EIF2AK1: variants seen among roughly 807,000 people sequenced by gnomAD.
EIF2AK1 encodes eukaryotic translation initiation factor 2-alpha kinase 1.
A neutral mutation model predicts 77.9 loss-of-function variants in EIF2AK1; 54 were observed. The observed-to-expected ratio is 0.69, with a 90% CI of 0.56 to 0.87. The LOEUF (loss-of-function observed/expected upper bound fraction) is 0.87. Among genes scored for constraint, EIF2AK1 ranks in the 40% least tolerant of loss-of-function variants. The pLI is 0.00. For missense variants in EIF2AK1, 810 were observed against 768.6 expected (o/e 1.05, Z -0.64); for synonymous variants, 314 against 290.5 (o/e 1.08, Z -0.82).
At chr7:6,039,621 CAAA>C (rs767158374) in intron 9 of EIF2AK1, among the ~76,000 whole-genome samples, 8 of 49,004 alleles carry the variant, frequency 1.6e-4, no homozygotes, top group South Asian at 6.3e-4. Context: ...ACTCCATCTC[CAAA>C]AAAAAAAAAA....
Position 6,035,807 on chromosome 7 carries a change from C to T in EIF2AK1, c.1332+1617G>A, listed in dbSNP as rs1050011293. 3.9e-6 allele frequency: 6 copies of T among 1,550,542 alleles called. No individual in the cohort carries two copies. Among genetic ancestry groups the T allele is most frequent in the East Asian group, 4.9e-5 (2 of 40,932 alleles). On this transcript the variant is annotated intron_variant, in intron 11 of 14. Transcript: ENST00000199389. This position sits in a 1 kb window ranked among gnomAD's most constrained non-coding sequence, Gnocchi z 5.5. ...AAACGCTCATTGCCTATGGAGCAAA[C>T]GTCAACTGTGCTGTCTCTTCCACGG... is the stretch of plus-strand genomic sequence containing the variant.
chr7:6,056,655 T>C (rs1788783502), intron 1 of EIF2AK1, among the ~76,000 whole-genome samples: 1 of 128,298 alleles, frequency 7.8e-6, no homozygotes, highest in Admixed American at 8.2e-5. Context: ...CTGGACATTC[T>C]GGGCCTCTTT....
Position 6,036,079 on chromosome 7 carries a change from T to C in EIF2AK1, c.1332+1345A>G. ...AGAAACGGGGAATCTCCAATTTATA[T>C]GTACCTTCAGCGCAGTTGCAATGTA... On this transcript the variant is annotated intron_variant, in intron 11 of 14. Transcript: ENST00000199389. This position sits in a 1 kb window ranked among gnomAD's most constrained non-coding sequence, Gnocchi z 4.6. 2 of 1,551,062 alleles carry C rather than the reference T, an allele frequency of 1.3e-6. No homozygotes were observed. The highest frequency in any genetic ancestry group is 2.7e-5 in the African/African-American group (2 of 73,168).
chr7:6,037,567 C>A (rs1199731180), intron 10 of EIF2AK1, 43 bp from the exon 11 acceptor site: 3 of 1,212,544 alleles, frequency 2.5e-6, no homozygotes, highest in Non-Finnish European at 3.6e-6. Context: ...AATTTTTTTA[C>A]TCATTACATG....
At position 6,054,616 on chromosome 7, in the gene EIF2AK1, C is replaced by G. The variant is rs762637741; in HGVS notation, c.207G>C (p.Leu69=). The change falls in exon 2 of 15, where the codon CTG becomes CTC. Residue 69 remains leucine (L), a synonymous_variant. Coordinates refer to ENST00000199389, the MANE Select transcript of EIF2AK1 (RefSeq NM_014413.4). ...FPFAVANQLL[L]VSLLEHLSHV... is the part of the protein sequence containing the mutation. ...GGCTCAAGTGCTCCAGCAAAGAAAC[C>G]AGCAAGAGTTGGTTTGCAACTGCAA... The G allele has an allele frequency of 6.2e-7, 1 of 1,614,140 alleles. No individual in the cohort carries two copies. The highest frequency in any genetic ancestry group is 1.1e-5 in the South Asian group (1 of 91,084).
chr7:6,044,987 A>G (rs935421433), intron 6 of EIF2AK1, among the ~76,000 whole-genome samples: 1 of 152,204 alleles, frequency 6.6e-6, no homozygotes, highest in African/African-American at 2.4e-5. Context: ...ATGCATCTCC[A>G]ATTTACAATA....
chr7:6,040,512 A>T (rs1350418137), intron 9 of EIF2AK1, among the ~76,000 whole-genome samples: 1 of 152,186 alleles, frequency 6.6e-6, no homozygotes, highest in Admixed American at 6.5e-5. Context: ...GAATATCCCG[A>T]ATACTGAGCT....
intron 3 of EIF2AK1, 28 bp from the exon 4 acceptor site, chr7:6,048,872 G>T: frequency 6.5e-7 from 1 of 1,530,702 alleles, no homozygotes; most frequent in Non-Finnish European, 8.8e-7. Flanking sequence ...TTTTTAAAAA[G>T]CATTTTGAAA....
intron 2 of EIF2AK1, 96 bp downstream of exon 2, chr7:6,054,450 C>T: frequency 7.2e-7 from 1 of 1,381,662 alleles, no homozygotes; most frequent in Non-Finnish European, 1.0e-6. Context: ...GTGATCCGCC[C>T]ACCTCAGCCT....
rs1225154463 is a variant in EIF2AK1 at position 6,022,553 on chromosome 7, T to A, written c.*2120A>T. ...TGTGGCATACTGGCCACATAGCGAT[T>A]TGCATCAGGTCAGATATTCTAAGTC... On this transcript the variant is annotated 3_prime_UTR_variant, in exon 15 of 15. Coordinates refer to ENST00000199389, the MANE Select transcript of EIF2AK1 (RefSeq NM_014413.4). The A allele has an allele frequency of 6.6e-6, 1 of 152,216 alleles. No homozygotes were observed. Among genetic ancestry groups the A allele is most frequent in the African/African-American group, 2.4e-5 (1 of 41,444 alleles). 9.4% of individuals were successfully genotyped at this position (152,216 alleles called of 1,614,324 possible).
At position 6,023,116 on chromosome 7, in the gene EIF2AK1, T is replaced by G. The variant is rs117711570; in HGVS notation, c.*1557A>C. On this transcript the variant is annotated 3_prime_UTR_variant, in exon 15 of 15. Coordinates refer to ENST00000199389, the MANE Select transcript of EIF2AK1 (RefSeq NM_014413.4). ...CTCTTTGGTTACTTTTTTAACATAG[T>G]TTGCACTTAAACCCTTTTCAGTAGT... The G allele has an allele frequency of 0.017, 11,020 of 647,186 alleles. 147 individuals carry two copies. The highest frequency in any genetic ancestry group is 0.021 in the Non-Finnish European group (8,348 of 398,664). 40.1% of individuals were successfully genotyped at this position (647,186 alleles called of 1,614,324 possible).
At chr7:6,037,596 TC>T in intron 10 of EIF2AK1, 72 bp from the exon 11 acceptor site, 6 of 875,966 alleles carry the variant, frequency 6.8e-6, no homozygotes, top group Non-Finnish European at 1.1e-5. Flanking sequence ...AATATTAATG[TC>T]ATTCTAAATA....
intron 1 of EIF2AK1, among the ~76,000 whole-genome samples, chr7:6,058,580 C>G (rs897805966): frequency 3.3e-4 from 50 of 152,326 alleles, no homozygotes; most frequent in African/African-American, 1.1e-3. Flanking sequence ...TTAACCCAAA[C>G]TATTCAGCGT....
intron 1 of EIF2AK1, among the ~76,000 whole-genome samples, chr7:6,056,114 G>A (rs764294176): frequency 5.6e-4 from 85 of 150,876 alleles, no homozygotes; most frequent in Admixed American, 1.1e-3. Flanking sequence ...CCAACACGGT[G>A]AAACACCGTC....
rs910137503 is a variant in EIF2AK1 at position 6,024,406 on chromosome 7, CAACA to C, written c.*263_*266del. On this transcript the variant is annotated 3_prime_UTR_variant, in exon 15 of 15. Coordinates refer to ENST00000199389, the MANE Select transcript of EIF2AK1 (RefSeq NM_014413.4). ...TCTAGAGGAAGACCAGACAGAGGGT[CAACA>C]GAGTTGAAAGGAGAAAATAATTGAG... 8.9e-5 allele frequency: 117 copies of C among 1,320,674 alleles called. No homozygotes were observed. In the Middle Eastern group the frequency reaches 3.0e-3, roughly 34 times the overall value. 81.8% of individuals were successfully genotyped at this position (1,320,674 alleles called of 1,614,324 possible).
At chr7:6,040,867 A>C (rs1354802089) in intron 9 of EIF2AK1, 25 bp downstream of exon 9, 2 of 1,596,168 alleles carry the variant, frequency 1.3e-6, no homozygotes, top group Non-Finnish European at 1.7e-6. Flanking sequence ...TGGCCAAATT[A>C]GGAGGGTCTG....
intron 11 of EIF2AK1, among the ~76,000 whole-genome samples, 199 bp from the exon 12 acceptor site, chr7:6,029,231 G>C (rs540492413): frequency 6.6e-6 from 1 of 152,182 alleles, no homozygotes; most frequent in South Asian, 2.1e-4. Context: ...CGGGTGCAGT[G>C]GCTCATGCCT....
rs1357166828 is a variant in EIF2AK1 at position 6,022,425 on chromosome 7, G to C, written c.*2248C>G. The C allele has an allele frequency of 6.6e-6, 1 of 152,104 alleles. No homozygotes were observed. 9.4% of individuals were successfully genotyped at this position (152,104 alleles called of 1,614,324 possible). ...GGATTTTCGACTGCACAGCAGTCGG[G>C]GGTCAGTGTCCCTAACCCCCCCACT... is the stretch of plus-strand genomic sequence containing the variant. On this transcript the variant is annotated 3_prime_UTR_variant, in exon 15 of 15. Transcript: ENST00000199389.
At position 6,051,717 on chromosome 7, in the gene EIF2AK1, C is replaced by T. The variant is rs370989183; in HGVS notation, c.278-1672G>A. Among the ~76,000 whole-genome samples the T allele has an allele frequency of 1.4e-4, 22 of 151,934 alleles. No homozygotes were observed. The East Asian group carries it at 1.5e-3, about 11-fold the overall frequency. ...TGCTAGGATTACAGGCGTGAGCCAC[C>T]GTGCCCCACCAAGGATATTCTTTCT... On this transcript the variant is annotated intron_variant, in intron 2 of 14. Transcript: ENST00000199389.
Sources: gnomAD v4.1 joint callset for allele counts (sites outside exome capture counted in the v4.1 genomes callset) on GRCh38, gnomAD v4.1.1 for gene constraint, Gnocchi (gnomAD v3.1) non-coding constraint, MANE v1.5 for transcripts, NCBI Gene and HGNC (gene_info 2026-07-23, HGNC 2026-07-21) for gene names.